RTTN: variants seen among roughly 807,000 people sequenced by gnomAD.
RTTN encodes rotatin.
In RTTN, 182 loss-of-function variants were observed where a neutral mutation model predicts 269.2. The observed-to-expected ratio is 0.68, with a 90% CI of 0.60 to 0.76. The LOEUF is 0.76. Ranked by LOEUF, RTTN falls within the 30% of genes least tolerant of loss-of-function variation. The pLI, the probability that RTTN is intolerant of heterozygous loss-of-function variation, is 0.00. For missense variants in RTTN, 2,545 were observed against 2,608.6 expected, an observed-to-expected ratio of 0.98 and a Z score of 0.53; for synonymous variants, 1,006 against 963.5, an observed-to-expected ratio of 1.04 and a Z score of -0.82.
chr18:70,175,525 G>C (rs1391057690), intron 11 of RTTN, among the ~76,000 whole-genome samples: 2 of 151,884 alleles, frequency 1.3e-5, no homozygotes, highest in Admixed American at 6.5e-5. Context: ...TCCTACCAAA[G>C]ATGACTTCTG....
chr18:70,169,243 ATC>A (rs934945040), intron 11 of RTTN, among the ~76,000 whole-genome samples, 176 bp from the exon 12 acceptor site: 4 of 152,234 alleles, frequency 2.6e-5, no homozygotes, highest in East Asian at 1.9e-4. Context: ...ATCTACCTCT[ATC>A]TCTGTCTTTT....
chr18:70,197,751 G>A lies in RTTN; in HGVS notation c.579-13C>T, dbSNP rs1020479365. The A allele has an allele frequency of 6.8e-7, 1 of 1,479,096 alleles. No individual in the cohort carries two copies. Among genetic ancestry groups the A allele is most frequent in the African/African-American group, 1.4e-5 (1 of 72,126 alleles). 91.6% of individuals were successfully genotyped at this position (1,479,096 alleles called of 1,614,324 possible). A position where few individuals can be genotyped will look rare whatever the true frequency, so the allele number is the denominator to read the frequency against. ...ACTTCTTAAAGAGCTACAAAACATA[G>A]CGTTAATCATTTTTAAGAAGAGTTC... is the stretch of plus-strand genomic sequence containing the variant. On this transcript the variant is annotated splice_polypyrimidine_tract_variant and intron_variant, in intron 5 of 48. Coordinates refer to ENST00000640769, the MANE Select transcript of RTTN (RefSeq NM_173630.4).
At chr18:70,091,454 C>T (rs960612741) in intron 30 of RTTN, 3 of 152,080 alleles carry the variant, frequency 2.0e-5, no homozygotes, top group Non-Finnish European at 4.4e-5. Flanking sequence ...CTATACCACC[C>T]CTCCCTCCCC....
At chr18:70,205,446 G>C (rs1054912309) in intron 1 of RTTN, 131 bp from the exon 2 acceptor site, 20 of 1,378,912 alleles carry the variant, frequency 1.5e-5, no homozygotes, top group South Asian at 3.8e-5. Flanking sequence ...TGGTGCCTTC[G>C]GGACGCGAAC....
rs1006440826 is a variant in RTTN, at chr18:70,140,306, C to T, written c.2582-118G>A. 4 of 618,432 alleles carry T rather than the reference C, an allele frequency of 6.5e-6. No homozygotes were observed. In the African/African-American group the frequency reaches 7.6e-5, roughly 12 times the overall value. The allele number at this position is 618,432 out of a possible 1,614,324, so 38.3% of individuals were successfully genotyped here. A position where few individuals can be genotyped will look rare whatever the true frequency, so the allele number is the denominator to read the frequency against. Reference sequence around the variant, plus strand: ...CTTCAAACTATTAAAAATACTTAGACCTGGGGTTGACATAAGAGTATGAAA... The same window carrying T: ...CTTCAAACTATTAAAAATACTTAGATCTGGGGTTGACATAAGAGTATGAAA... On this transcript the variant is annotated intron_variant, in intron 19 of 48. Coordinates refer to ENST00000640769, the MANE Select transcript of RTTN (RefSeq NM_173630.4).
chr18:70,111,508 C>G (rs191476446), intron 27 of RTTN, among the ~76,000 whole-genome samples: 2 of 152,060 alleles, frequency 1.3e-5, no homozygotes, highest in African/African-American at 4.8e-5. Context: ...AGGAACAGCA[C>G]GTCCACTCAA....
intron 27 of RTTN, among the ~76,000 whole-genome samples, chr18:70,111,976 C>G (rs2059479941): frequency 6.6e-6 from 1 of 152,176 alleles, no homozygotes. Flanking sequence ...AACCTACAAG[C>G]CAGAAGAGAG....
chr18:70,196,503 T>C lies in RTTN; in HGVS notation c.839A>G (p.His280Arg), dbSNP rs2061810567. The change falls in exon 7 of 49, where the codon CAC (histidine) becomes CGC (arginine). Residue 280 changes from histidine to arginine, a missense_variant and splice_region_variant. Physicochemically the swap from His to Arg is conservative, Grantham distance 29. Coordinates refer to ENST00000640769, the MANE Select transcript of RTTN (RefSeq NM_173630.4). ...AATGAACAGATAAAAATAAATACCGTGTTTATTGGAGAAAAAACCTGGATC... is the reference window on the plus strand; with the variant it reads ...AATGAACAGATAAAAATAAATACCGCGTTTATTGGAGAAAAAACCTGGATC... ...HRDPGFFSNKHDTVSQNSSLS... is the reference protein window; with the variant it reads ...HRDPGFFSNKRDTVSQNSSLS... The C allele has an allele frequency of 1.9e-6, 3 of 1,607,744 alleles. No individual in the cohort carries two copies. Among genetic ancestry groups the C allele is most frequent in the Non-Finnish European group, 2.5e-6 (3 of 1,178,190 alleles).
intron 14 of RTTN, among the ~76,000 whole-genome samples, chr18:70,154,008 T>C (rs769395648): frequency 2.0e-5 from 3 of 152,068 alleles, no homozygotes; most frequent in Non-Finnish European, 4.4e-5. Context: ...TTCACATTCT[T>C]TTATTTTATC....
intron 31 of RTTN, among the ~76,000 whole-genome samples, chr18:70,087,065 A>G (rs1298480794): frequency 6.6e-6 from 1 of 152,044 alleles, no homozygotes; most frequent in African/African-American, 2.4e-5. Context: ...ACACACACAC[A>G]CACACAAACA....
chr18:70,062,616 T>G (rs955363905), intron 35 of RTTN, among the ~76,000 whole-genome samples: 3 of 34,932 alleles, frequency 8.6e-5, no homozygotes, highest in Non-Finnish European at 3.0e-4. Context: ...CTCTTTTTTT[T>G]TTTTTTTTTT....
chr18:70,068,300 G>A (rs1001598419), intron 34 of RTTN, among the ~76,000 whole-genome samples: 5 of 152,190 alleles, frequency 3.3e-5, no homozygotes, highest in African/African-American at 9.7e-5. Flanking sequence ...GGTGCAGTAT[G>A]AGCCTACGAA....
At chr18:70,102,477 G>T (rs138740837) in intron 28 of RTTN, among the ~76,000 whole-genome samples, 1,884 of 152,216 alleles carry the variant, frequency 0.012, 23 homozygotes, top group South Asian at 0.039. Context: ...CTGCACGTGA[G>T]ATGAGTCTCC....
intron 28 of RTTN, among the ~76,000 whole-genome samples, chr18:70,103,092 G>A (rs889661465): frequency 1.3e-5 from 2 of 148,832 alleles, no homozygotes; most frequent in African/African-American, 5.0e-5. Context: ...TGCCCCGTCT[G>A]GGATGTGAGG....
intron 1 of RTTN, 83 bp downstream of exon 1, chr18:70,205,545 G>C (rs2146211161): frequency 6.4e-7 from 1 of 1,571,368 alleles, no homozygotes; most frequent in South Asian, 1.1e-5. Context: ...GGAGCGGCCG[G>C]CCGCGGAAAC....
chr18:70,121,813 G>T, intron 25 of RTTN, 113 bp from the exon 26 acceptor site: 1 of 1,018,756 alleles, frequency 9.8e-7, no homozygotes, highest in Admixed American at 3.8e-5. Context: ...TATTTTATGA[G>T]ACACTGTTTT....
At chr18:70,058,553 A>G (rs2057885497) in intron 36 of RTTN, among the ~76,000 whole-genome samples, 1 of 152,196 alleles carries the variant, frequency 6.6e-6, no homozygotes, top group African/African-American at 2.4e-5. Flanking sequence ...AAAATAAAGT[A>G]AAACAAGTAG....
In RTTN at chr18:70,092,238, A is replaced by T; in HGVS notation, c.4033-18T>A. ...ATCCACTCCTAGAGGGAAAAAAGGGAAACAGAAATATTTGAGGTAAGTTTC... is the reference window on the plus strand; with the variant it reads ...ATCCACTCCTAGAGGGAAAAAAGGGTAACAGAAATATTTGAGGTAAGTTTC... On this transcript the variant is annotated intron_variant, in intron 29 of 48. Coordinates refer to ENST00000640769, the MANE Select transcript of RTTN (RefSeq NM_173630.4). 1.4e-6 allele frequency: 2 copies of T among 1,445,070 alleles called. No individual in the cohort carries two copies. The highest frequency in any genetic ancestry group is 1.9e-6 in the Non-Finnish European group (2 of 1,029,744). 89.5% of individuals were successfully genotyped at this position (1,445,070 alleles called of 1,614,324 possible). A position where few individuals can be genotyped will look rare whatever the true frequency, so the allele number is the denominator to read the frequency against.
At chr18:70,115,086 T>C (rs2059570580) in intron 26 of RTTN, among the ~76,000 whole-genome samples, 1 of 152,092 alleles carries the variant, frequency 6.6e-6, no homozygotes, top group Non-Finnish European at 1.5e-5. Context: ...GGATAATCAA[T>C]GATGCATAAT....
Sources: gnomAD v4.1 joint callset for allele counts (sites outside exome capture counted in the v4.1 genomes callset) on GRCh38, gnomAD v4.1.1 for gene constraint, MANE v1.5 for transcripts, NCBI Gene and HGNC (gene_info 2026-07-23, HGNC 2026-07-21) for gene names.